MAP3K2: variants seen among roughly 807,000 people sequenced by gnomAD.
MAP3K2 encodes MAP/ERK kinase kinase 2.
MAP3K2 carries 24 observed loss-of-function variants against 80.3 expected under a neutral mutation model. The observed-to-expected ratio is 0.30, with a 90% confidence interval of 0.22 to 0.42. The LOEUF is 0.42. MAP3K2 is among the 10% of genes least tolerant of loss of function. MAP3K2 has a pLI of 1.00. For synonymous variants in MAP3K2, 244 were observed against 253.7 expected (o/e 0.96, Z 0.36); for missense variants, 608 against 750.1 (o/e 0.81, Z 2.21).
At chr2:127,334,746 C>T (rs72845978) in intron 5 of MAP3K2, among the ~76,000 whole-genome samples, 9,488 of 149,580 alleles carry the variant, frequency 0.063, 390 homozygotes, top group African/African-American at 0.11. Context: ...GTGCTCTGCC[C>T]GTTATTCTTC....
At chr2:127,375,014 C>G (rs1407247230) in intron 1 of MAP3K2, among the ~76,000 whole-genome samples, 1 of 152,214 alleles carries the variant, frequency 6.6e-6, no homozygotes, top group Non-Finnish European at 1.5e-5. Flanking sequence ...AAATTTCAAT[C>G]AGCTGTAGAA....
intron 1 of MAP3K2, among the ~76,000 whole-genome samples, chr2:127,343,874 C>T (rs1255281493): frequency 3.3e-5 from 5 of 151,912 alleles, no homozygotes; most frequent in Non-Finnish European, 7.4e-5. Flanking sequence ...CAAAAATTAG[C>T]CGGGTGCAGT....
At chr2:127,341,232 G>A (rs959766205) in intron 2 of MAP3K2, among the ~76,000 whole-genome samples, 17 of 151,584 alleles carry the variant, frequency 1.1e-4, no homozygotes, top group Admixed American at 2.0e-4. Context: ...CTCGTGATCC[G>A]CCTGCCTCGA....
chr2:127,316,007 G>A (rs1685894868), intron 14 of MAP3K2, among the ~76,000 whole-genome samples: 1 of 152,092 alleles, frequency 6.6e-6, no homozygotes, highest in Admixed American at 6.5e-5. Context: ...TTCAGGAGGT[G>A]GAAGTTGCAG....
intron 1 of MAP3K2, among the ~76,000 whole-genome samples, chr2:127,353,751 G>A (rs1173463984): frequency 6.6e-6 from 1 of 152,136 alleles, no homozygotes; most frequent in Non-Finnish European, 1.5e-5. Context: ...GTACCCAACA[G>A]CTCATTGAGA....
At chr2:127,372,639 G>A (rs1014914790) in intron 1 of MAP3K2, among the ~76,000 whole-genome samples, 7 of 152,106 alleles carry the variant, frequency 4.6e-5, no homozygotes, top group South Asian at 2.1e-4. Context: ...CTTTGGGGAC[G>A]GGACCTATTA....
In MAP3K2 at chr2:127,329,929, G is replaced by A. The variant is rs560246081; in HGVS notation, c.458C>T (p.Ser153Phe). ...AGACACTAGTTTCTTACCTATTATA[G>A]ATAGCCGTTTTTTCCTCTCTGCTCC... Reference protein sequence around the residue: ...VFGAERKKRLSIIGPTSRDRS... With the variant: ...VFGAERKKRLFIIGPTSRDRS... Residue 153 changes from serine (S) to phenylalanine (F), a missense_variant, in exon 7 of 17, where the codon TCT (serine) becomes TTT (phenylalanine). By Grantham distance (155) the Ser-to-Phe change is radical. Transcript: ENST00000682094. 4 of 1,585,160 alleles carry A rather than the reference G, an allele frequency of 2.5e-6. No individual in the cohort carries two copies. Among genetic ancestry groups the A allele is most frequent in the Admixed American group, 1.7e-5 (1 of 59,716 alleles).
At chr2:127,336,220 A>G (rs1409201650) in intron 4 of MAP3K2, among the ~76,000 whole-genome samples, 1 of 152,238 alleles carries the variant, frequency 6.6e-6, no homozygotes, top group African/African-American at 2.4e-5. Context: ...TGCAGTTTTT[A>G]ATTTGCACTG....
chr2:127,337,833 T>A, intron 3 of MAP3K2, 55 bp from the exon 4 acceptor site: 1 of 1,022,386 alleles, frequency 9.8e-7, no homozygotes, highest in Non-Finnish European at 1.4e-6. Flanking sequence ...ATTCAGAGAT[T>A]AGATAAAATT....
chr2:127,366,384 G>GAAAAAAA (rs61497433), intron 1 of MAP3K2, among the ~76,000 whole-genome samples: 45 of 87,382 alleles, frequency 5.1e-4, no homozygotes, highest in Middle Eastern at 6.4e-3. Flanking sequence ...CCTATCTCTG[G>GAAAAAAA]AAAAAAAAAA....
At chr2:127,324,090 T>G in intron 10 of MAP3K2, 84 bp downstream of exon 10, 1 of 1,132,798 alleles carries the variant, frequency 8.8e-7, no homozygotes, top group Non-Finnish European at 1.2e-6. Context: ...TATTTGACTT[T>G]TCAAAAATCC....
rs1484253327 is a variant in MAP3K2 at position 127,310,037 on chromosome 2, C to T, written c.1457-1275G>A. On this transcript the variant is annotated intron_variant, in intron 15 of 16. Coordinates refer to ENST00000682094, the MANE Select transcript of MAP3K2 (RefSeq NM_001371910.2). This position sits in a 1 kb window ranked among gnomAD's most constrained non-coding sequence, Gnocchi z 4.8. ...TATGCTGCAGAAGAGATTTGTCTCC[C>T]CTCTCCCACATATTTATTAAATCAT... Among the ~76,000 whole-genome samples the T allele has an allele frequency of 2.6e-5, 4 of 152,066 alleles. No individual in the cohort carries two copies. Among genetic ancestry groups the T allele is most frequent in the African/African-American group, 9.7e-5 (4 of 41,392 alleles).
At chr2:127,361,080 A>G (rs1225320785) in intron 1 of MAP3K2, among the ~76,000 whole-genome samples, 1 of 151,968 alleles carries the variant, frequency 6.6e-6, no homozygotes, top group Admixed American at 6.6e-5. Context: ...TTGGGAGGCA[A>G]AGGTGGGCAG....
Position 127,318,157 on chromosome 2 carries a change from A to G in MAP3K2, c.1194+12T>C, listed in dbSNP as rs990987958. The stretch of plus-strand genomic sequence containing the variant: ...TATAATGTGACAAAGTAATTTGTGC[A>G]GTGATTTTTACCTTGCTGGTCTCAG... On this transcript the variant is annotated intron_variant, in intron 13 of 16. Transcript: ENST00000682094. 3 of 1,570,644 alleles carry G rather than the reference A, an allele frequency of 1.9e-6. No individual in the cohort carries two copies. Among genetic ancestry groups the G allele is most frequent in the African/African-American group, 2.7e-5 (2 of 72,794 alleles).
At chr2:127,358,829 T>C (rs1241764694) in intron 1 of MAP3K2, among the ~76,000 whole-genome samples, 1 of 151,904 alleles carries the variant, frequency 6.6e-6, no homozygotes, top group Non-Finnish European at 1.5e-5. Context: ...CTTGACTGGC[T>C]GAGGCAGGAG....
intron 1 of MAP3K2, among the ~76,000 whole-genome samples, chr2:127,365,299 C>A (rs1001833184): frequency 1.3e-5 from 2 of 152,136 alleles, no homozygotes; most frequent in African/African-American, 4.8e-5. Flanking sequence ...GCAACTTGCT[C>A]TCTCACATTC....
chr2:127,384,504 A>C (rs1281113568), intron 1 of MAP3K2, among the ~76,000 whole-genome samples: 3 of 152,276 alleles, frequency 2.0e-5, no homozygotes, highest in Admixed American at 2.0e-4. Flanking sequence ...GGAATTTGGA[A>C]GAAGCTGATT....
chr2:127,363,829 CA>C (rs1558988146), intron 1 of MAP3K2, among the ~76,000 whole-genome samples: 1 of 152,080 alleles, frequency 6.6e-6, no homozygotes, highest in Non-Finnish European at 1.5e-5. Context: ...GCTAATTTTT[CA>C]ATTTTTACTA....
intron 7 of MAP3K2, among the ~76,000 whole-genome samples, chr2:127,328,012 C>T (rs1686177343): frequency 6.6e-6 from 1 of 152,310 alleles, no homozygotes; most frequent in Non-Finnish European, 1.5e-5. Flanking sequence ...CTGTGGCTCA[C>T]GCCTGTAATC....
Sources: gnomAD v4.1 joint callset for allele counts (sites outside exome capture counted in the v4.1 genomes callset) on GRCh38, gnomAD v4.1.1 for gene constraint, Gnocchi (gnomAD v3.1) non-coding constraint, MANE v1.5 for transcripts, NCBI Gene and HGNC (gene_info 2026-07-23, HGNC 2026-07-21) for gene names.